RBFOX1: variants seen among roughly 807,000 people sequenced by gnomAD.
The protein encoded by RBFOX1 is RNA binding fox-1 homolog 1, also known as RNA binding protein fox-1 homolog 1.
Under a neutral mutation model 57.7 loss-of-function variants are expected in RBFOX1, and 8 were observed. The observed-to-expected ratio is 0.14, with a 90% CI of 0.08 to 0.25. The LOEUF is 0.25. RBFOX1 is among the 10% of genes least tolerant of loss of function. The pLI is 1.00. For missense variants in RBFOX1, 611 were observed against 548.5 expected (o/e 1.11, Z -1.14); for synonymous variants, 326 against 222.4 (o/e 1.47, Z -4.15).
intron 3 of RBFOX1, among the ~76,000 whole-genome samples, chr16:6,931,742 C>T (rs1184727977): frequency 6.6e-6 from 1 of 152,114 alleles, no homozygotes; most frequent in African/African-American, 2.4e-5. Context: ...GTGCAGATCT[C>T]TTTGTTGTGA....
intron 4 of RBFOX1, among the ~76,000 whole-genome samples, chr16:5,895,093 C>T (rs1204117126): frequency 6.6e-6 from 1 of 152,186 alleles, no homozygotes; most frequent in Non-Finnish European, 1.5e-5. Flanking sequence ...GAGAGTGAAT[C>T]ACTTGAATCC....
chr16:6,583,894 G>C (rs2097570204), intron 2 of RBFOX1, among the ~76,000 whole-genome samples: 1 of 151,816 alleles, frequency 6.6e-6, no homozygotes, highest in Non-Finnish European at 1.5e-5. Flanking sequence ...AGGCTAATCA[G>C]TTTGGCTGCA....
At chr16:7,559,453 C>CCT (rs2089746704) in intron 5 of RBFOX1, among the ~76,000 whole-genome samples, 1 of 152,158 alleles carries the variant, frequency 6.6e-6, no homozygotes, top group African/African-American at 2.4e-5. Context: ...ACATCACCTG[C>CCT]CTCCAACCCC....
chr16:6,980,776 C>T (rs1372543835), intron 3 of RBFOX1, among the ~76,000 whole-genome samples: 2 of 152,124 alleles, frequency 1.3e-5, no homozygotes, highest in South Asian at 2.1e-4. Context: ...GGTACAGTAG[C>T]TCATGCCTGT....
chr16:6,979,427 C>T (rs542736733), intron 3 of RBFOX1, among the ~76,000 whole-genome samples: 1 of 152,142 alleles, frequency 6.6e-6, no homozygotes, highest in Non-Finnish European at 1.5e-5. Context: ...TGAAGAAAGT[C>T]CTTTGAACAG....
intron 2 of RBFOX1, among the ~76,000 whole-genome samples, chr16:6,645,701 C>A (rs2098528577): frequency 6.6e-6 from 1 of 152,152 alleles, no homozygotes; most frequent in East Asian, 1.9e-4. Context: ...CTCAATGCTT[C>A]AATCAGAACC....
At chr16:6,316,963 A>T (rs1463113864) in intron 1 of RBFOX1, 32 bp from the exon 2 acceptor site, 2 of 1,523,294 alleles carry the variant, frequency 1.3e-6, no homozygotes, top group Admixed American at 3.9e-5. Flanking sequence ...ACATTTCTTG[A>T]TACTAAAGTC....
At chr16:6,650,619 C>A (rs964291901) in intron 2 of RBFOX1, among the ~76,000 whole-genome samples, 13 of 152,204 alleles carry the variant, frequency 8.5e-5, no homozygotes, top group African/African-American at 3.1e-4. Flanking sequence ...TCATTGCTCA[C>A]CGGTTCAGTC....
chr16:6,677,359 C>T (rs1402531311), intron 3 of RBFOX1, among the ~76,000 whole-genome samples: 5 of 152,150 alleles, frequency 3.3e-5, no homozygotes, highest in African/African-American at 4.8e-5. Flanking sequence ...GATACAAACA[C>T]ACATCAAGAT....
chr16:5,768,425 C>A (rs923060895), intron 3 of RBFOX1, among the ~76,000 whole-genome samples: 1 of 152,104 alleles, frequency 6.6e-6, no homozygotes, highest in Non-Finnish European at 1.5e-5. Context: ...ACTGTTTAGA[C>A]CCCCTTAAAA....
At chr16:5,410,928 A>T (rs1363717948) in intron 1 of RBFOX1, among the ~76,000 whole-genome samples, 2 of 152,216 alleles carry the variant, frequency 1.3e-5, no homozygotes, top group African/African-American at 4.8e-5. Flanking sequence ...GATTGTTTTC[A>T]TCTCTAACTG....
chr16:6,231,655 T>C (rs2097461258), intron 1 of RBFOX1, among the ~76,000 whole-genome samples: 1 of 152,234 alleles, frequency 6.6e-6, no homozygotes, highest in African/African-American at 2.4e-5. Flanking sequence ...TGAGGCCACT[T>C]ACAATCACTG....
chr16:7,317,865 A>G (rs2096473301), intron 4 of RBFOX1, among the ~76,000 whole-genome samples: 1 of 152,222 alleles, frequency 6.6e-6, no homozygotes, highest in South Asian at 2.1e-4. Context: ...TAGCATTGTT[A>G]GGAGTATGGC....
intron 3 of RBFOX1, among the ~76,000 whole-genome samples, chr16:6,862,372 G>A (rs779812290): frequency 3.9e-5 from 6 of 152,088 alleles, no homozygotes; most frequent in Non-Finnish European, 8.8e-5. Context: ...GAACACCAAG[G>A]CCCCAGAGCA....
At chr16:6,014,135 G>T (rs1319596233), upstream of RBFOX1, among the ~76,000 whole-genome samples, 1 of 152,028 alleles carries the variant, frequency 6.6e-6, no homozygotes, top group Non-Finnish European at 1.5e-5. Context: ...AAATAAAAAG[G>T]AAATCATAAT....
intron 2 of RBFOX1, among the ~76,000 whole-genome samples, chr16:5,497,014 G>A (rs1200840634): frequency 1.3e-5 from 2 of 152,128 alleles, no homozygotes; most frequent in African/African-American, 4.8e-5. Context: ...TTTTCAGGGA[G>A]GGGGATATTG....
intron 1 of RBFOX1, among the ~76,000 whole-genome samples, chr16:6,140,556 C>G (rs867351689): frequency 2.0e-5 from 3 of 152,222 alleles, no homozygotes; most frequent in African/African-American, 7.2e-5. Context: ...TTCACATTCC[C>G]AAGTATCCTC....
intron 2 of RBFOX1, among the ~76,000 whole-genome samples, chr16:6,371,395 A>C (rs1323794892): frequency 2.0e-5 from 3 of 152,178 alleles, no homozygotes; most frequent in African/African-American, 7.2e-5. Flanking sequence ...ATTTCAGTAT[A>C]AAGTCATGGA....
intron 4 of RBFOX1, among the ~76,000 whole-genome samples, chr16:7,480,014 G>A (rs1234998699): frequency 6.6e-6 from 1 of 152,178 alleles, no homozygotes; most frequent in Non-Finnish European, 1.5e-5. Context: ...CCAGCCTGAT[G>A]TTCCCCACCG....
Sources: gnomAD v4.1 joint callset for allele counts (sites outside exome capture counted in the v4.1 genomes callset) on GRCh38, gnomAD v4.1.1 for gene constraint, MANE v1.5 for transcripts, NCBI Gene and HGNC (gene_info 2026-07-23, HGNC 2026-07-21) for gene names.